The following LNPEP variants were observed in gnomAD, a reference collection of about 807,000 sequenced individuals.
LNPEP encodes leucyl and cystinyl aminopeptidase, also known as leucyl-cystinyl aminopeptidase.
In LNPEP, 64 loss-of-function variants were observed where a neutral mutation model predicts 120.6. The ratio of observed to expected loss-of-function variants is 0.53; its 90% CI spans 0.43 to 0.65. The LOEUF is 0.65. Ranked by LOEUF, LNPEP falls within the 30% of genes least tolerant of loss-of-function variation. LNPEP has a pLI of 0.00. For missense variants in LNPEP, 1,057 were observed against 1,200.0 expected (o/e 0.88, Z 1.76); for synonymous variants, 435 against 425.4 (o/e 1.02, Z -0.28).
intron 15 of LNPEP, among the ~76,000 whole-genome samples, chr5:97,026,346 C>G (rs928524100): frequency 1.3e-5 from 2 of 151,886 alleles, no homozygotes; most frequent in Admixed American, 6.6e-5. Context: ...ATAAATTCTA[C>G]CAGAACTTAT....
chr5:96,996,549 A>T (rs1790521251), intron 7 of LNPEP, 46 bp downstream of exon 7: 1 of 939,266 alleles, frequency 1.1e-6, no homozygotes, highest in African/African-American at 1.6e-5. Flanking sequence ...TAGGAGGAAA[A>T]ATAGTCAAAT....
At chr5:96,984,955 T>A in intron 2 of LNPEP, 125 bp from the exon 3 acceptor site, 1 of 999,612 alleles carries the variant, frequency 1.0e-6, no homozygotes, top group Non-Finnish European at 1.5e-6. Context: ...AACCTCTGCC[T>A]TTCCCAGTTT....
intron 4 of LNPEP, among the ~76,000 whole-genome samples, chr5:96,990,454 AC>A (rs1261201052): frequency 1.3e-5 from 2 of 152,216 alleles, no homozygotes; most frequent in African/African-American, 2.4e-5. Context: ...CCAGTTCTAT[AC>A]ATATAATTCT....
chr5:97,017,339 A>G (rs1277485642), intron 13 of LNPEP, among the ~76,000 whole-genome samples: 1 of 151,444 alleles, frequency 6.6e-6, no homozygotes, highest in Non-Finnish European at 1.5e-5. Context: ...TTTCTTGTTG[A>G]TTTGTAAGAG....
Position 96,979,982 on chromosome 5 carries a change from G to C in LNPEP, c.860+4G>C. ...CAGATGAAAGTAATGAGAAAAAGTA[G>C]GTAGCCCTCTTAAATGATTCTGGTT... On this transcript the variant is annotated splice_donor_region_variant and intron_variant, in intron 2 of 17. Transcript: ENST00000231368. 6.4e-7 allele frequency: 1 copy of C among 1,571,876 alleles called. No individual in the cohort carries two copies. Among genetic ancestry groups the C allele is most frequent in the Non-Finnish European group, 8.6e-7 (1 of 1,156,832 alleles).
chr5:96,950,034 T>C (rs1225073049), intron 1 of LNPEP, among the ~76,000 whole-genome samples: 2 of 152,204 alleles, frequency 1.3e-5, no homozygotes, highest in African/African-American at 4.8e-5. Context: ...TTCTTATTAG[T>C]GTTCATTCAG....
intron 4 of LNPEP, among the ~76,000 whole-genome samples, chr5:96,991,228 C>T (rs573962386): frequency 2.0e-5 from 3 of 152,288 alleles, no homozygotes; most frequent in South Asian, 2.1e-4. Flanking sequence ...CAGGTTGCTG[C>T]GATTGCCATT....
chr5:96,943,422 G>A (rs1174764468), intron 1 of LNPEP, among the ~76,000 whole-genome samples: 1 of 152,138 alleles, frequency 6.6e-6, no homozygotes, highest in Non-Finnish European at 1.5e-5. Context: ...GAGTAACTGG[G>A]ACCACAGGTG....
chr5:96,998,952 G>A (rs1384169558), intron 8 of LNPEP, among the ~76,000 whole-genome samples: 4 of 152,148 alleles, frequency 2.6e-5, no homozygotes, highest in Non-Finnish European at 5.9e-5. Context: ...GGCAGGAATG[G>A]AACAATGAGG....
At chr5:96,952,542 G>A (rs764885795) in intron 1 of LNPEP, among the ~76,000 whole-genome samples, 2 of 152,154 alleles carry the variant, frequency 1.3e-5, no homozygotes, top group Non-Finnish European at 2.9e-5. Flanking sequence ...AGTTTCTTAA[G>A]ATAGATCTAG....
intron 6 of LNPEP, among the ~76,000 whole-genome samples, chr5:96,994,693 G>T (rs1013639876): frequency 2.6e-5 from 4 of 152,150 alleles, no homozygotes. Context: ...CATGACAGTG[G>T]CAGGATATGA....
intron 1 of LNPEP, among the ~76,000 whole-genome samples, chr5:96,954,197 A>G (rs1428597681): frequency 6.6e-5 from 10 of 152,244 alleles, no homozygotes; most frequent in Admixed American, 4.6e-4. Flanking sequence ...AAAATAAGAC[A>G]TATGGTAATC....
At chr5:96,967,878 C>G (rs1415126377) in intron 1 of LNPEP, among the ~76,000 whole-genome samples, 1 of 152,124 alleles carries the variant, frequency 6.6e-6, no homozygotes, top group Non-Finnish European at 1.5e-5. Context: ...GGTTATGAAC[C>G]TCTCCTTGGA....
At chr5:96,975,060 C>G (rs1184451851) in intron 1 of LNPEP, among the ~76,000 whole-genome samples, 1 of 152,118 alleles carries the variant, frequency 6.6e-6, no homozygotes, top group Non-Finnish European at 1.5e-5. Context: ...ACCCACGTAA[C>G]ATAATCCTTT....
chr5:97,026,878 C>T (rs1791352388), intron 16 of LNPEP, 121 bp downstream of exon 16: 1 of 745,560 alleles, frequency 1.3e-6, no homozygotes. Flanking sequence ...ACTTCCATGA[C>T]AGTTTAACTG....
rs1788862427 is a variant in LNPEP, at chr5:96,936,223, G to A, written c.19+49G>A. 4 of 1,391,202 alleles carry A rather than the reference G, an allele frequency of 2.9e-6. No homozygotes were observed. The South Asian group carries it at 4.6e-5, about 16-fold the overall frequency. 86.2% of individuals were successfully genotyped at this position (1,391,202 alleles called of 1,614,324 possible). On this transcript the variant is annotated intron_variant, in intron 1 of 17. Coordinates refer to ENST00000231368, the MANE Select transcript of LNPEP (RefSeq NM_005575.3). ...GGACCCGGGCTCTCCGGAGCCCTGA[G>A]GGTCGTGGGCAGTCGTGACACGCGG...
chr5:96,964,107 A>G (rs989951918), intron 1 of LNPEP, among the ~76,000 whole-genome samples: 3 of 150,422 alleles, frequency 2.0e-5, no homozygotes, highest in Non-Finnish European at 4.4e-5. Flanking sequence ...TATGATTGAT[A>G]TCAACTTTTT....
At chr5:97,003,785 T>G (rs1164001360) in intron 9 of LNPEP, among the ~76,000 whole-genome samples, 1 of 147,746 alleles carries the variant, frequency 6.8e-6, no homozygotes, top group East Asian at 2.0e-4. Context: ...TAGCCAGTTG[T>G]TTTTTTTTTT....
At chr5:97,020,079 T>C (rs1791155925) in intron 13 of LNPEP, among the ~76,000 whole-genome samples, 2 of 152,180 alleles carry the variant, frequency 1.3e-5, no homozygotes, top group Non-Finnish European at 2.9e-5. Context: ...CACAAGCGAG[T>C]TGACATGTTA....
Sources: allele counts gnomAD v4.1 joint callset (sites outside exome capture counted in the v4.1 genomes callset), GRCh38; gene constraint gnomAD v4.1.1; transcripts MANE v1.5; gene names NCBI Gene and HGNC (gene_info 2026-07-23, HGNC 2026-07-21).